The following NLGN1 variants were observed in gnomAD, a reference collection of about 807,000 sequenced individuals.
NLGN1 encodes neuroligin 1.
In NLGN1, 12 loss-of-function variants were observed where a neutral mutation model predicts 65.5. The observed-to-expected ratio is 0.18, with a 90% CI of 0.12 to 0.30. The LOEUF (loss-of-function observed/expected upper bound fraction) is 0.30. Ranked by LOEUF, NLGN1 falls within the 10% of genes least tolerant of loss-of-function variation. The pLI is 1.00. For synonymous variants in NLGN1, 350 were observed against 359.5 expected, an observed-to-expected ratio of 0.97 and a Z score of 0.30; for missense variants, 750 against 1,007.1, an observed-to-expected ratio of 0.74 and a Z score of 3.46.
At chr3:173,720,721 A>C (rs1262195783) in intron 3 of NLGN1, among the ~76,000 whole-genome samples, 1 of 152,232 alleles carries the variant, frequency 6.6e-6, no homozygotes, top group Non-Finnish European at 1.5e-5. Flanking sequence ...CCCTACTAGC[A>C]GAAGTAAATG....
chr3:173,696,015 T>C (rs1766167503), intron 3 of NLGN1, among the ~76,000 whole-genome samples: 1 of 152,144 alleles, frequency 6.6e-6, no homozygotes, highest in South Asian at 2.1e-4. Flanking sequence ...TTTCACCATG[T>C]TTCCCCGGCT....
intron 4 of NLGN1, among the ~76,000 whole-genome samples, chr3:174,210,169 T>G (rs1038550361): frequency 3.3e-5 from 5 of 152,164 alleles, no homozygotes; most frequent in Non-Finnish European, 5.9e-5. Context: ...ATCCTCCAAC[T>G]CCATCCTCAC....
At chr3:173,568,340 T>C (rs1201850384) in intron 2 of NLGN1, among the ~76,000 whole-genome samples, 1 of 151,658 alleles carries the variant, frequency 6.6e-6, no homozygotes, top group Non-Finnish European at 1.5e-5. Context: ...CTCTGGCAAT[T>C]CTCCTGTCTC....
At chr3:173,906,120 T>C (rs1326012825) in intron 4 of NLGN1, among the ~76,000 whole-genome samples, 1 of 152,244 alleles carries the variant, frequency 6.6e-6, no homozygotes, top group Non-Finnish European at 1.5e-5. Flanking sequence ...GATTGTTTTA[T>C]AGATTAGGAA....
intron 3 of NLGN1, among the ~76,000 whole-genome samples, chr3:173,648,142 G>GA (rs1244613409): frequency 3.4e-4 from 49 of 145,720 alleles, no homozygotes; most frequent in Admixed American, 4.8e-4. Flanking sequence ...TTGAATTCCA[G>GA]AAAAAAAAAA....
intron 4 of NLGN1, among the ~76,000 whole-genome samples, chr3:173,994,612 T>TA: frequency 6.6e-6 from 1 of 152,248 alleles, no homozygotes; most frequent in South Asian, 2.1e-4. Context: ...ATGCCTCTCT[T>TA]ACTGTGAAAC....
intron 4 of NLGN1, among the ~76,000 whole-genome samples, chr3:173,820,514 ACT>A (rs998562981): frequency 6.6e-6 from 1 of 151,952 alleles, no homozygotes; most frequent in African/African-American, 2.4e-5. Context: ...ACGCTCAGTG[ACT>A]CTCTATAACT....
rs1186241511 is a variant in NLGN1 at position 174,124,820 on chromosome 3, G to A, written c.647-150495G>A. On this transcript the variant is annotated intron_variant, in intron 4 of 6. Transcript: ENST00000457714. ...GATGAAGAAACACAGAATTTTATGG[G>A]AGCATGTAACAAAAGGACCAAATTT... is the stretch of plus-strand genomic sequence containing the variant. 2.0e-5 allele frequency among the ~76,000 whole-genome samples: 3 copies of A among 151,754 alleles called. No individual in the cohort carries two copies. The East Asian group carries it at 5.8e-4, about 29-fold the overall frequency.
At chr3:174,005,828 T>C (rs2067253734) in intron 4 of NLGN1, among the ~76,000 whole-genome samples, 1 of 152,166 alleles carries the variant, frequency 6.6e-6, no homozygotes, top group African/African-American at 2.4e-5. Flanking sequence ...ATAAAATATG[T>C]CGTCTATCTG....
chr3:174,265,489 C>G (rs1747888381), intron 4 of NLGN1, among the ~76,000 whole-genome samples: 1 of 152,054 alleles, frequency 6.6e-6, no homozygotes, highest in African/African-American at 2.4e-5. Flanking sequence ...AGGGAACTCC[C>G]TGACGCCTTG....
intron 4 of NLGN1, among the ~76,000 whole-genome samples, chr3:173,885,882 A>G (rs1734244415): frequency 6.6e-6 from 1 of 152,146 alleles, no homozygotes; most frequent in Non-Finnish European, 1.5e-5. Context: ...CAGAAGATAA[A>G]TGGACAAAGA....
chr3:173,426,019 T>C (rs946672061), intron 1 of NLGN1, among the ~76,000 whole-genome samples: 1 of 152,178 alleles, frequency 6.6e-6, no homozygotes, highest in Non-Finnish European at 1.5e-5. Context: ...CAGTATTTTA[T>C]AGTTTTTATG....
chr3:173,500,592 T>G (rs1730915525), intron 2 of NLGN1, among the ~76,000 whole-genome samples: 1 of 152,170 alleles, frequency 6.6e-6, no homozygotes, highest in Non-Finnish European at 1.5e-5. Context: ...AGATTCCCTC[T>G]TTTTCTATTG....
At chr3:174,029,341 C>A (rs751592243) in intron 4 of NLGN1, among the ~76,000 whole-genome samples, 51 of 152,204 alleles carry the variant, frequency 3.4e-4, no homozygotes, top group African/African-American at 1.2e-3. Flanking sequence ...CAAAAGAGAT[C>A]ATTTTGGAAC....
At chr3:173,835,328 G>A (rs993788731) in intron 4 of NLGN1, among the ~76,000 whole-genome samples, 2 of 152,020 alleles carry the variant, frequency 1.3e-5, no homozygotes, top group African/African-American at 4.8e-5. Context: ...ACAACAAGAG[G>A]AAAGGCTTTT....
chr3:173,781,718 G>GT (rs1781192515), intron 3 of NLGN1, among the ~76,000 whole-genome samples: 1 of 152,198 alleles, frequency 6.6e-6, no homozygotes, highest in African/African-American at 2.4e-5. Context: ...GGACAAATAT[G>GT]TTTTTTAAAA....
rs777143988 is a variant in NLGN1, at chr3:174,280,719, C to T, written c.1888C>T (p.Pro630Ser). The T allele has an allele frequency of 6.8e-6, 11 of 1,613,252 alleles. No individual in the cohort carries two copies. The highest frequency in any genetic ancestry group is 9.3e-6 in the Non-Finnish European group (11 of 1,179,480). Residue 630 changes from proline (P) to serine (S), a missense_variant, in exon 7 of 7, where the codon CCA becomes TCA. Coordinates refer to ENST00000457714, the Ensembl canonical transcript of NLGN1. The surrounding 1 kb of genome is among the most constrained non-coding windows in gnomAD (Gnocchi z 4.9). ...GTATACCTCTACAACAACTAAAGTG[C>T]CATCAACTGACATCACTTTCAGACC...
At chr3:173,936,697 T>TA (rs1745133810) in intron 4 of NLGN1, among the ~76,000 whole-genome samples, 1 of 152,064 alleles carries the variant, frequency 6.6e-6, no homozygotes, top group African/African-American at 2.4e-5. Context: ...GTCCTCAAGG[T>TA]ATATGTCTTA....
At chr3:173,768,546 A>G (rs1779103840) in intron 3 of NLGN1, among the ~76,000 whole-genome samples, 1 of 152,150 alleles carries the variant, frequency 6.6e-6, no homozygotes, top group African/African-American at 2.4e-5. Flanking sequence ...ATTAGTTTAC[A>G]CCTTATGTAT....
Sources: gnomAD v4.1 joint callset for allele counts (sites outside exome capture counted in the v4.1 genomes callset) on GRCh38, gnomAD v4.1.1 for gene constraint, Gnocchi (gnomAD v3.1) non-coding constraint, MANE v1.5 for transcripts, NCBI Gene and HGNC (gene_info 2026-07-23, HGNC 2026-07-21) for gene names.